LTBP2: variants seen among roughly 807,000 people sequenced by gnomAD.
The protein encoded by LTBP2 is latent transforming growth factor beta binding protein 2.
In LTBP2, 103 loss-of-function variants were observed where a neutral mutation model predicts 210.6. The ratio of observed to expected loss-of-function variants is 0.49; its 90% CI spans 0.42 to 0.58. The LOEUF is 0.58. LTBP2 is among the 20% of genes least tolerant of loss of function. The probability of loss-of-function intolerance (pLI) is 0.00; values close to 1 mark genes in which losing one functional copy is unlikely to be tolerated. For synonymous variants in LTBP2, 1,007 were observed against 1,015.0 expected (o/e 0.99, Z 0.15); for missense variants, 2,313 against 2,494.5 (o/e 0.93, Z 1.55).
chr14:74,514,276 G>T (rs1218596021), intron 18 of LTBP2, among the ~76,000 whole-genome samples: 2 of 152,236 alleles, frequency 1.3e-5, no homozygotes, highest in Non-Finnish European at 2.9e-5. Context: ...GGAGCCATCT[G>T]CCTTCTTCCT....
chr14:74,553,838 G>A (rs1359622902), intron 4 of LTBP2, among the ~76,000 whole-genome samples: 1 of 152,012 alleles, frequency 6.6e-6, no homozygotes, highest in African/African-American at 2.4e-5. Flanking sequence ...AGAAATGGGA[G>A]GGGAGGAAAT....
In LTBP2 at chr14:74,611,478, G is replaced by T; in HGVS notation, c.467C>A (p.Pro156Gln). Residue 156 changes from proline to glutamine, a missense_variant, in exon 1 of 36, where the codon CCA becomes CAA. Transcript: ENST00000261978. ...CGTGAGCCGCCCTCGCGGCGGGGTT[G>T]GGGGCGCAGCCCCAGACCGCTGTGG... ...GTPQRSGAAP[P>Q]TPPRGRLTGR... 1 of 1,498,172 alleles carries T rather than the reference G, an allele frequency of 6.7e-7. No individual in the cohort carries two copies. The highest frequency in any genetic ancestry group is 8.8e-7 in the Non-Finnish European group (1 of 1,135,998). 92.8% of individuals were successfully genotyped at this position (1,498,172 alleles called of 1,614,324 possible).
intron 2 of LTBP2, among the ~76,000 whole-genome samples, chr14:74,594,067 A>C (rs1268231007): frequency 6.6e-6 from 1 of 152,186 alleles, no homozygotes; most frequent in Non-Finnish European, 1.5e-5. Flanking sequence ...GAAAAGGCCC[A>C]GTCACTTGCC....
chr14:74,534,406 TC>T (rs933201730), intron 9 of LTBP2, among the ~76,000 whole-genome samples: 3 of 152,156 alleles, frequency 2.0e-5, no homozygotes, highest in Non-Finnish European at 4.4e-5. Flanking sequence ...CACAAACTGT[TC>T]TTTTGCTTAT....
In LTBP2 at chr14:74,522,784, G is replaced by T; in HGVS notation, c.2659+6C>A. 1 of 1,609,626 alleles carries T rather than the reference G, an allele frequency of 6.2e-7. No homozygotes were observed. On this transcript the variant is annotated splice_donor_region_variant and intron_variant, in intron 16 of 35. Coordinates refer to ENST00000261978, the MANE Select transcript of LTBP2 (RefSeq NM_000428.3). Reference sequence around the variant, plus strand: ...CCAAGTAAGCCCAGGGCACCCAAGTGAATACCTGTGCAGTAGGCCTGGCTG... The same window carrying T: ...CCAAGTAAGCCCAGGGCACCCAAGTTAATACCTGTGCAGTAGGCCTGGCTG...
chr14:74,543,524 G>GCCTTCCTTCCCTCCCTTTTTCCTTCCTT (rs796244118), intron 8 of LTBP2, among the ~76,000 whole-genome samples: 265 of 131,060 alleles, frequency 2.0e-3, no homozygotes, highest in African/African-American at 7.4e-3. Context: ...CTGCCTGCCT[G>GCCTTCCTTCCCTCCCTTTTTCCTTCCTT]CCTTCCCTCC....
chr14:74,573,310 G>A (rs768390985), intron 3 of LTBP2, among the ~76,000 whole-genome samples: 4 of 152,214 alleles, frequency 2.6e-5, no homozygotes, highest in Non-Finnish European at 4.4e-5. Flanking sequence ...CAGGGTCATG[G>A]CAAGGACTGG....
chr14:74,611,475 GT>G lies in LTBP2; in HGVS notation c.469del (p.Thr157ProfsTer123). 3 of 1,498,194 alleles carry G rather than the reference GT, an allele frequency of 2.0e-6. No individual in the cohort carries two copies. Among genetic ancestry groups the G allele is most frequent in the Non-Finnish European group, 2.6e-6 (3 of 1,136,062 alleles). 92.8% of individuals were successfully genotyped at this position (1,498,194 alleles called of 1,614,324 possible). Reference sequence around the variant, plus strand: ...CCCCGTGAGCCGCCCTCGCGGCGGGGTTGGGGGCGCAGCCCCAGACCGCTGT... The same window carrying G: ...CCCCGTGAGCCGCCCTCGCGGCGGGGTGGGGGCGCAGCCCCAGACCGCTGT... ...TPQRSGAAPP[T>X]PPRGRLTGRN... On this transcript the variant is annotated frameshift_variant, in exon 1 of 36. Coordinates refer to ENST00000261978, the MANE Select transcript of LTBP2 (RefSeq NM_000428.3). LOFTEE classifies it high-confidence loss of function.
rs2139816670 is a variant in LTBP2, at chr14:74,612,180, G to C, written c.-236C>G. The C allele has an allele frequency of 2.0e-6, 1 of 498,716 alleles. No individual in the cohort carries two copies. The highest frequency in any genetic ancestry group is 2.0e-5 in the African/African-American group (1 of 49,016). The allele number at this position is 498,716 out of a possible 1,614,324, so 30.9% of individuals were successfully genotyped here. ...GGGCTCGCACGGCTGCTGCACCTTC[G>C]CGCCTCCTCCCTGTGCCTGCAGCCG... On this transcript the variant is annotated 5_prime_UTR_variant, in exon 1 of 36. Coordinates refer to ENST00000261978, the MANE Select transcript of LTBP2 (RefSeq NM_000428.3).
intron 17 of LTBP2, among the ~76,000 whole-genome samples, chr14:74,521,391 G>A (rs554991662): frequency 1.7e-4 from 26 of 151,446 alleles, no homozygotes; most frequent in African/African-American, 5.6e-4. Flanking sequence ...TTTGCGTTGG[G>A]AGCGTATTTA....
chr14:74,530,663 G>GCC (rs2087338987), intron 10 of LTBP2, among the ~76,000 whole-genome samples: 1 of 152,180 alleles, frequency 6.6e-6, no homozygotes, highest in Non-Finnish European at 1.5e-5. Context: ...CTACAGGTGT[G>GCC]CACCACCACG....
chr14:74,546,953 C>T (rs2087584801), intron 8 of LTBP2, among the ~76,000 whole-genome samples: 1 of 152,226 alleles, frequency 6.6e-6, no homozygotes, highest in African/African-American at 2.4e-5. Context: ...GAAGTGCTTC[C>T]AAGATCTGGG....
chr14:74,543,477 G>A (rs1340961300), intron 8 of LTBP2, among the ~76,000 whole-genome samples: 3 of 136,366 alleles, frequency 2.2e-5, no homozygotes, highest in Non-Finnish European at 1.6e-5. Context: ...ACTGAACCTC[G>A]CAGATGCATG....
chr14:74,561,518 T>A (rs1054447826), intron 3 of LTBP2, among the ~76,000 whole-genome samples: 1 of 152,124 alleles, frequency 6.6e-6, no homozygotes, highest in Non-Finnish European at 1.5e-5. Flanking sequence ...TATATAAGCA[T>A]AGGAAAAGGC....
At chr14:74,556,259 T>A (rs1349679741) in intron 3 of LTBP2, among the ~76,000 whole-genome samples, 2 of 152,242 alleles carry the variant, frequency 1.3e-5, no homozygotes, top group Admixed American at 1.3e-4. Context: ...CATGAATTCA[T>A]CATCTCCCAT....
At position 74,506,148 on chromosome 14, in the gene LTBP2, C is replaced by T. The variant is rs753642584; in HGVS notation, c.4077G>A (p.Ala1359=). Reference sequence around the variant, plus strand: ...AGGAGCCCTCCACGTTCTCACAGAGCGCGGCCCCACATACCGCCAGCATAA... The same window carrying T: ...AGGAGCCCTCCACGTTCTCACAGAGTGCGGCCCCACATACCGCCAGCATAA... ...CELMLAVCGA[A]LCENVEGSFL... The change falls in exon 28 of 36, where the codon GCG becomes GCA. Residue 1359 remains alanine (A), a synonymous_variant. Coordinates refer to ENST00000261978, the MANE Select transcript of LTBP2 (RefSeq NM_000428.3). 15 of 1,614,224 alleles carry T rather than the reference C, an allele frequency of 9.3e-6. No homozygotes were observed. The highest frequency in any genetic ancestry group is 3.3e-4 in the Middle Eastern group (2 of 6,062).
intron 3 of LTBP2, among the ~76,000 whole-genome samples, chr14:74,572,525 C>T (rs1451644664): frequency 2.6e-5 from 4 of 151,336 alleles, no homozygotes; most frequent in East Asian, 1.9e-4. Context: ...CTTTTCTGAC[C>T]GTGGCAAATT....
intron 3 of LTBP2, among the ~76,000 whole-genome samples, chr14:74,569,780 CCTAAGACATAGGTGT>C (rs534564158): frequency 2.6e-3 from 392 of 152,256 alleles, no homozygotes; most frequent in Non-Finnish European, 4.4e-3. Flanking sequence ...CTAACAAGAA[CCTAAGACATAGGTGT>C]CTCTGCCCCA....
At position 74,604,175 on chromosome 14, in the gene LTBP2, A is replaced by C. The variant is rs1486975525; in HGVS notation, c.495-470T>G. 2.0e-5 allele frequency among the ~76,000 whole-genome samples: 3 copies of C among 151,116 alleles called. No individual in the cohort carries two copies. The East Asian group carries it at 5.8e-4, about 29-fold the overall frequency. ...ACATTGCCTCTCACCAAAAAAAAAA[A>C]AAAAAAAAACCACACACACAAAAAA... On this transcript the variant is annotated intron_variant, in intron 1 of 35. Coordinates refer to ENST00000261978, the MANE Select transcript of LTBP2 (RefSeq NM_000428.3).
Sources: gnomAD v4.1 joint callset for allele counts (sites outside exome capture counted in the v4.1 genomes callset) on GRCh38, gnomAD v4.1.1 for gene constraint, MANE v1.5 for transcripts, NCBI Gene and HGNC (gene_info 2026-07-23, HGNC 2026-07-21) for gene names.